The following KIRREL3 variants were observed in gnomAD, a reference collection of about 807,000 sequenced individuals.
The protein encoded by KIRREL3 is kin of IRRE-like protein 3.
KIRREL3 carries 36 observed loss-of-function variants against 89.7 expected under a neutral mutation model. The ratio of observed to expected loss-of-function variants is 0.40; its 90% CI spans 0.31 to 0.53. KIRREL3 has a LOEUF of 0.53. Among genes scored for constraint, KIRREL3 ranks in the 20% least tolerant of loss-of-function variants. The pLI, the probability that KIRREL3 is intolerant of heterozygous loss-of-function variation, is 0.49. For missense variants in KIRREL3, 864 were observed against 1,056.6 expected (o/e 0.82, Z 2.53); for synonymous variants, 445 against 441.4 (o/e 1.01, Z -0.10).
At chr11:126,757,297 A>G (rs1183363815) in intron 1 of KIRREL3, among the ~76,000 whole-genome samples, 2 of 151,436 alleles carry the variant, frequency 1.3e-5, no homozygotes, top group Non-Finnish European at 1.5e-5. Flanking sequence ...TTGGAAAAAG[A>G]AAATAAAAAA....
At chr11:126,874,110 G>A (rs1945196104) in intron 1 of KIRREL3, among the ~76,000 whole-genome samples, 1 of 152,136 alleles carries the variant, frequency 6.6e-6, no homozygotes, top group Admixed American at 6.5e-5. Context: ...AAACCTTCTG[G>A]CCTGATAGCA....
intron 4 of KIRREL3, among the ~76,000 whole-genome samples, chr11:126,480,596 C>A (rs543446049): frequency 6.6e-6 from 1 of 152,244 alleles, no homozygotes; most frequent in Admixed American, 6.5e-5. Flanking sequence ...ACTATCCCTG[C>A]AGCTGCAGCA....
intron 1 of KIRREL3, among the ~76,000 whole-genome samples, chr11:126,982,127 A>T (rs1358072440): frequency 6.6e-6 from 1 of 152,236 alleles, no homozygotes; most frequent in Non-Finnish European, 1.5e-5. Flanking sequence ...TTTAACAGCA[A>T]CTAAACCTTT....
At chr11:126,699,576 A>C (rs576889955) in intron 1 of KIRREL3, among the ~76,000 whole-genome samples, 1 of 152,338 alleles carries the variant, frequency 6.6e-6, no homozygotes, top group Non-Finnish European at 1.5e-5. Context: ...TTATAATTAT[A>C]AAATTATTTG....
chr11:126,444,037 C>T lies in KIRREL3; in HGVS notation c.1252+942G>A, dbSNP rs76794518. ...CGCATTTGCGTCCTGGTGCCACAAC[C>T]TTCTTGGGTCTGGCCTGAGCCAGGT... On this transcript the variant is annotated intron_variant, in intron 10 of 16. Transcript: ENST00000525144. Among the ~76,000 whole-genome samples, 236 of 152,320 alleles carry T rather than the reference C, an allele frequency of 1.5e-3. 1 individual carries two copies. Among genetic ancestry groups the T allele is most frequent in the Non-Finnish European group, 2.6e-3 (174 of 68,020 alleles).
Position 126,535,656 on chromosome 11 carries a change from C to T in KIRREL3, c.134-8969G>A, listed in dbSNP as rs1184811196. Among the ~76,000 whole-genome samples the T allele has an allele frequency of 6.6e-6, 1 of 152,074 alleles. No homozygotes were observed. The highest frequency in any genetic ancestry group is 2.4e-5 in the African/African-American group (1 of 41,414). On this transcript the variant is annotated intron_variant, in intron 2 of 16. Transcript: ENST00000525144. The surrounding 1 kb of genome is among the most constrained non-coding windows in gnomAD (Gnocchi z 4.5). ...CAACCCCACCTTTTCTCCAGCCAGA[C>T]ATTTGCTGCTTCTATTCCTTATCAA...
chr11:126,781,060 C>G (rs1031226611), intron 1 of KIRREL3, among the ~76,000 whole-genome samples: 1 of 152,132 alleles, frequency 6.6e-6, no homozygotes, highest in Non-Finnish European at 1.5e-5. Flanking sequence ...ACTCTGGAAA[C>G]TTTAGATGAG....
In KIRREL3 at chr11:126,805,605, A is replaced by G. The variant is rs1395661773; in HGVS notation, c.55+194850T>C. On this transcript the variant is annotated intron_variant, in intron 1 of 16. Coordinates refer to ENST00000525144, the MANE Select transcript of KIRREL3 (RefSeq NM_032531.4). This position sits in a 1 kb window ranked among gnomAD's most constrained non-coding sequence, Gnocchi z 4.3. ...TTAAACAAGGCTTTTCCACTCTATCATCTTGTCACCTGAAGAACATTTATT... is the reference window on the plus strand; with the variant it reads ...TTAAACAAGGCTTTTCCACTCTATCGTCTTGTCACCTGAAGAACATTTATT... Among the ~76,000 whole-genome samples, 1 of 152,192 alleles carries G rather than the reference A, an allele frequency of 6.6e-6. No individual in the cohort carries two copies. Among genetic ancestry groups the G allele is most frequent in the Non-Finnish European group, 1.5e-5 (1 of 68,034 alleles).
chr11:126,464,194 G>C (rs1956642077), intron 5 of KIRREL3, among the ~76,000 whole-genome samples: 1 of 152,016 alleles, frequency 6.6e-6, no homozygotes, highest in Non-Finnish European at 1.5e-5. Flanking sequence ...TAAACCCAAT[G>C]ACTGGTGTCC....
chr11:126,887,930 G>T (rs1051113439), intron 1 of KIRREL3, among the ~76,000 whole-genome samples: 2 of 152,214 alleles, frequency 1.3e-5, no homozygotes. Context: ...GGGGTCAGAA[G>T]GTAGAAGCTT....
Position 126,653,563 on chromosome 11 carries a change from C to T in KIRREL3, c.56-90651G>A, listed in dbSNP as rs866829266. On this transcript the variant is annotated intron_variant, in intron 1 of 16. Coordinates refer to ENST00000525144, the MANE Select transcript of KIRREL3 (RefSeq NM_032531.4). The surrounding 1 kb of genome is among the most constrained non-coding windows in gnomAD (Gnocchi z 5.4). ...ATACGGAATGAGAAAAAAGCGGCACCGGAAGTGGCATTTTGCAAACTCCAA... is the reference window on the plus strand; with the variant it reads ...ATACGGAATGAGAAAAAAGCGGCACTGGAAGTGGCATTTTGCAAACTCCAA... 8.5e-5 allele frequency among the ~76,000 whole-genome samples: 13 copies of T among 152,130 alleles called. No homozygotes were observed. The highest frequency in any genetic ancestry group is 8.3e-4 in the South Asian group (4 of 4,828).
At position 126,754,642 on chromosome 11, in the gene KIRREL3, C is replaced by T. The variant is rs1347913958; in HGVS notation, c.56-191730G>A. 6.6e-6 allele frequency among the ~76,000 whole-genome samples: 1 copy of T among 151,986 alleles called. No homozygotes were observed. Among genetic ancestry groups the T allele is most frequent in the Non-Finnish European group, 1.5e-5 (1 of 68,020 alleles). ...AAAGTCACCAGGGAGTTCGTGCGCA[C>T]TCAGTGGTGTCAGGTGGCTGTGTTG... On this transcript the variant is annotated intron_variant, in intron 1 of 16. Coordinates refer to ENST00000525144, the MANE Select transcript of KIRREL3 (RefSeq NM_032531.4). The surrounding 1 kb of genome is among the most constrained non-coding windows in gnomAD (Gnocchi z 5.1).
At position 126,977,426 on chromosome 11, in the gene KIRREL3, C is replaced by T. The variant is rs568723219; in HGVS notation, c.55+23029G>A. On this transcript the variant is annotated intron_variant, in intron 1 of 16. Coordinates refer to ENST00000525144, the MANE Select transcript of KIRREL3 (RefSeq NM_032531.4). The surrounding 1 kb of genome is among the most constrained non-coding windows in gnomAD (Gnocchi z 4.7). ...ATTGTTTATTTTCTACTGCCTCTGGCGATGCTCCTGATCCTCCAGGATCAG... is the reference window on the plus strand; with the variant it reads ...ATTGTTTATTTTCTACTGCCTCTGGTGATGCTCCTGATCCTCCAGGATCAG... 9.1e-4 allele frequency among the ~76,000 whole-genome samples: 138 copies of T among 152,266 alleles called. 1 individual carries two copies. The highest frequency in any genetic ancestry group is 1.7e-3 in the Admixed American group (26 of 15,300).
Position 126,527,864 on chromosome 11 carries a change from C to T in KIRREL3, c.134-1177G>A, listed in dbSNP as rs1007069080. Among the ~76,000 whole-genome samples, 1 of 152,122 alleles carries T rather than the reference C, an allele frequency of 6.6e-6. No homozygotes were observed. Among genetic ancestry groups the T allele is most frequent in the Non-Finnish European group, 1.5e-5 (1 of 68,026 alleles). On this transcript the variant is annotated intron_variant, in intron 2 of 16. Coordinates refer to ENST00000525144, the MANE Select transcript of KIRREL3 (RefSeq NM_032531.4). The surrounding 1 kb of genome is among the most constrained non-coding windows in gnomAD (Gnocchi z 4.2). Reference sequence around the variant, plus strand: ...CCAAGCCTGGCCTTGGAGGGAGTTGCTGATGAAGAGGTGTGATGTGATCTG... The same window carrying T: ...CCAAGCCTGGCCTTGGAGGGAGTTGTTGATGAAGAGGTGTGATGTGATCTG...
chr11:126,570,500 CTTG>C lies in KIRREL3; in HGVS notation c.56-7591_56-7589del, dbSNP rs1017245998. Among the ~76,000 whole-genome samples the C allele has an allele frequency of 2.6e-5, 4 of 152,172 alleles. No individual in the cohort carries two copies. Among genetic ancestry groups the C allele is most frequent in the Admixed American group, 6.5e-5 (1 of 15,280 alleles). On this transcript the variant is annotated intron_variant, in intron 1 of 16. Transcript: ENST00000525144. The surrounding 1 kb of genome is among the most constrained non-coding windows in gnomAD (Gnocchi z 6.1). ...CAATCATTTGTGATAATTCCAAAAA[CTTG>C]TTGTGACCCGCCAGCCCATCTCACC... is the stretch of plus-strand genomic sequence containing the variant.
intron 1 of KIRREL3, among the ~76,000 whole-genome samples, chr11:126,675,880 C>T (rs1456947512): frequency 6.6e-6 from 1 of 152,044 alleles, no homozygotes; most frequent in South Asian, 2.1e-4. Context: ...GAGGCCACAG[C>T]AGTAATCCAA....
chr11:126,654,704 G>A (rs984078692), intron 1 of KIRREL3, among the ~76,000 whole-genome samples: 1 of 152,170 alleles, frequency 6.6e-6, no homozygotes, highest in African/African-American at 2.4e-5. Flanking sequence ...AGCCGACATC[G>A]TGAGAGGTCT....
Position 126,780,415 on chromosome 11 carries a change from G to A in KIRREL3, c.56-217503C>T, listed in dbSNP as rs1950294027. The stretch of plus-strand genomic sequence containing the variant: ...CTGACAGGGTTTCTTTTAACTTAAT[G>A]TTTGCTGAACCATCCCTTCTATCTC... On this transcript the variant is annotated intron_variant, in intron 1 of 16. Coordinates refer to ENST00000525144, the MANE Select transcript of KIRREL3 (RefSeq NM_032531.4). The surrounding 1 kb of genome is among the most constrained non-coding windows in gnomAD (Gnocchi z 5.3). Among the ~76,000 whole-genome samples, 1 of 152,176 alleles carries A rather than the reference G, an allele frequency of 6.6e-6. No homozygotes were observed. The highest frequency in any genetic ancestry group is 1.5e-5 in the Non-Finnish European group (1 of 68,044).
At chr11:126,472,731 A>AGAGAGAGAGAGAGC (rs1416539561) in intron 5 of KIRREL3, among the ~76,000 whole-genome samples, 2 of 151,556 alleles carry the variant, frequency 1.3e-5, no homozygotes, top group African/African-American at 4.9e-5. Context: ...AGAGAGAGAG[A>AGAGAGAGAGAGAGC]GCACAAGTCA....
Sources: gnomAD v4.1 joint callset for allele counts (sites outside exome capture counted in the v4.1 genomes callset) on GRCh38, gnomAD v4.1.1 for gene constraint, Gnocchi (gnomAD v3.1) non-coding constraint, MANE v1.5 for transcripts, NCBI Gene and HGNC (gene_info 2026-07-23, HGNC 2026-07-21) for gene names.